Variants in ETV6 observed in about 807,000 individuals in gnomAD.
ETV6 encodes the protein transcription factor ETV6.
A neutral mutation model predicts 51.1 loss-of-function variants in ETV6; 16 were observed. That is an observed-to-expected ratio of 0.31 (90% CI 0.21 to 0.48). The LOEUF (loss-of-function observed/expected upper bound fraction) is 0.48, where lower values mean the gene tolerates loss of function less well. Ranked by LOEUF, ETV6 falls within the 20% of genes least tolerant of loss-of-function variation. ETV6 has a pLI of 0.99. For missense variants in ETV6, 458 were observed against 594.8 expected, an observed-to-expected ratio of 0.77 and a Z score of 2.39; for synonymous variants, 240 against 224.1, an observed-to-expected ratio of 1.07 and a Z score of -0.64.
rs79155677 is a variant in ETV6, at chr12:11,803,904, A to C, written c.164-35236A>C. Among the ~76,000 whole-genome samples the C allele has an allele frequency of 4.5e-3, 676 of 151,838 alleles. 5 individuals are homozygous for C. Among genetic ancestry groups the C allele is most frequent in the East Asian group, 0.028 (146 of 5,194 alleles). ...TGATGTCATAATATGTAGACTGAGC[A>C]AAAATATTATTAGTATCATCATCAT... On this transcript the variant is annotated intron_variant, in intron 2 of 7. Coordinates refer to ENST00000396373, the MANE Select transcript of ETV6 (RefSeq NM_001987.5).
At chr12:11,879,538 A>AT (rs1046320139) in intron 5 of ETV6, among the ~76,000 whole-genome samples, 1 of 152,174 alleles carries the variant, frequency 6.6e-6, no homozygotes, top group African/African-American at 2.4e-5. Context: ...ACAGGAAGGG[A>AT]TTTTTTACAA....
intron 1 of ETV6, among the ~76,000 whole-genome samples, chr12:11,724,878 CTG>C (rs1865458681): frequency 6.6e-6 from 1 of 152,214 alleles, no homozygotes; most frequent in Admixed American, 6.5e-5. Context: ...TAGGCAGACA[CTG>C]AATAAATCGC....
In ETV6 at chr12:11,800,206, CCTT is replaced by C. The variant is rs989566932; in HGVS notation, c.164-38930_164-38928del. Among the ~76,000 whole-genome samples the C allele has an allele frequency of 2.1e-4, 32 of 152,270 alleles. 1 individual carries two copies. The highest frequency in any genetic ancestry group is 7.2e-4 in the African/African-American group (30 of 41,550). ...TCTGGGTCATGGAAAAGTAACCTGA[CCTT>C]CTTATCCCACCTCCTATTCATCATC... is the stretch of plus-strand genomic sequence containing the variant. On this transcript the variant is annotated intron_variant, in intron 2 of 7. Coordinates refer to ENST00000396373, the MANE Select transcript of ETV6 (RefSeq NM_001987.5).
chr12:11,820,718 A>G (rs1319724219), intron 2 of ETV6, among the ~76,000 whole-genome samples: 1 of 152,166 alleles, frequency 6.6e-6, no homozygotes, highest in African/African-American at 2.4e-5. Context: ...GGGTACAGAC[A>G]GGTCAGGTCA....
chr12:11,852,829 G>C (rs1478081389), intron 3 of ETV6, among the ~76,000 whole-genome samples: 8 of 152,170 alleles, frequency 5.3e-5, no homozygotes, highest in African/African-American at 1.7e-4. Context: ...CAGGGCTTCT[G>C]TATCTTAGTG....
At position 11,869,985 on chromosome 12, in the gene ETV6, T is replaced by C. The variant is rs955644545; in HGVS notation, c.1009+16T>C. The C allele has an allele frequency of 6.3e-7, 1 of 1,582,940 alleles. No individual in the cohort carries two copies. Among genetic ancestry groups the C allele is most frequent in the Non-Finnish European group, 8.5e-7 (1 of 1,169,876 alleles). On this transcript the variant is annotated intron_variant, in intron 5 of 7. Coordinates refer to ENST00000396373, the MANE Select transcript of ETV6 (RefSeq NM_001987.5). This position sits in a 1 kb window ranked among gnomAD's most constrained non-coding sequence, Gnocchi z 5.0. Reference sequence around the variant, plus strand: ...AGAATAGCAGGTGAGTGAGTTCCCCTCTCGCCGCTCCAGCATCATGGGGAC... The same window carrying C: ...AGAATAGCAGGTGAGTGAGTTCCCCCCTCGCCGCTCCAGCATCATGGGGAC...
chr12:11,710,957 G>A (rs1865162246), intron 1 of ETV6, among the ~76,000 whole-genome samples: 1 of 152,216 alleles, frequency 6.6e-6, no homozygotes, highest in Non-Finnish European at 1.5e-5. Flanking sequence ...GAGACTAAGT[G>A]GAGACCAGGC....
At chr12:11,748,691 C>G (rs1865952582) in intron 1 of ETV6, among the ~76,000 whole-genome samples, 1 of 152,130 alleles carries the variant, frequency 6.6e-6, no homozygotes, top group Non-Finnish European at 1.5e-5. Context: ...TGCCATTCTC[C>G]TACTGAGCAC....
intron 2 of ETV6, among the ~76,000 whole-genome samples, chr12:11,801,827 G>T (rs898569803): frequency 6.6e-6 from 1 of 152,182 alleles, no homozygotes; most frequent in Non-Finnish European, 1.5e-5. Flanking sequence ...ATGAAAGCCA[G>T]CATGAGCCAG....
chr12:11,669,131 C>T (rs1218829792), intron 1 of ETV6, among the ~76,000 whole-genome samples: 8 of 152,324 alleles, frequency 5.3e-5, no homozygotes, highest in African/African-American at 1.2e-4. Context: ...TCCCCCTTCC[C>T]GGGCTTTACA....
At chr12:11,808,924 G>A (rs960959839) in intron 2 of ETV6, among the ~76,000 whole-genome samples, 4 of 152,212 alleles carry the variant, frequency 2.6e-5, no homozygotes, top group African/African-American at 9.7e-5. Context: ...AGCACTTTGG[G>A]AGGCCAAGGT....
intron 2 of ETV6, among the ~76,000 whole-genome samples, chr12:11,771,628 C>T (rs1056429385): frequency 2.0e-5 from 3 of 152,116 alleles, no homozygotes; most frequent in East Asian, 3.8e-4. Context: ...AAAGTGGATC[C>T]TCACAGCAAA....
chr12:11,717,712 A>G (rs549564394), intron 1 of ETV6, among the ~76,000 whole-genome samples: 13 of 152,160 alleles, frequency 8.5e-5, no homozygotes, highest in Non-Finnish European at 1.9e-4. Flanking sequence ...TCCCAAGGCA[A>G]TTTCTTACAA....
At chr12:11,738,479 A>T (rs532140458) in intron 1 of ETV6, among the ~76,000 whole-genome samples, 3 of 150,972 alleles carry the variant, frequency 2.0e-5, no homozygotes, top group Admixed American at 2.0e-4. Flanking sequence ...ACTAATTTTT[A>T]ATTTTTTTTA....
chr12:11,850,817 C>G (rs1946542696), intron 3 of ETV6, among the ~76,000 whole-genome samples: 1 of 152,216 alleles, frequency 6.6e-6, no homozygotes, highest in Non-Finnish European at 1.5e-5. Context: ...CAGTTTCTCT[C>G]TCATGAAAAC....
intron 1 of ETV6, among the ~76,000 whole-genome samples, chr12:11,733,044 C>T (rs886762400): frequency 1.3e-5 from 2 of 152,152 alleles, no homozygotes; most frequent in African/African-American, 4.8e-5. Flanking sequence ...GACTCTGTTT[C>T]TCCATTGATG....
chr12:11,756,955 A>G lies in ETV6; in HGVS notation c.163+4376A>G, dbSNP rs773109594. On this transcript the variant is annotated intron_variant, in intron 2 of 7. Transcript: ENST00000396373. ...TTTCACATTTAGTTGACATTGCGCC[A>G]TTTGCCCGCAGACTGTGCATTTTGC... is the stretch of plus-strand genomic sequence containing the variant. Among the ~76,000 whole-genome samples, 99 of 152,200 alleles carry G rather than the reference A, an allele frequency of 6.5e-4. 1 individual carries two copies. The highest frequency in any genetic ancestry group is 2.9e-3 in the Admixed American group (44 of 15,290).
At chr12:11,729,085 T>G (rs1273741282) in intron 1 of ETV6, among the ~76,000 whole-genome samples, 2 of 152,374 alleles carry the variant, frequency 1.3e-5, no homozygotes, top group African/African-American at 2.4e-5. Context: ...AGCAACAGTT[T>G]AAGGCTATTT....
chr12:11,678,274 C>A (rs2541117), intron 1 of ETV6, among the ~76,000 whole-genome samples: 54,641 of 152,066 alleles, frequency 0.36, 12,034 homozygotes, highest in Middle Eastern at 0.49. Flanking sequence ...GTGTGTGCTG[C>A]TTTTTAGCAT....
Sources: gnomAD v4.1 joint callset for allele counts (sites outside exome capture counted in the v4.1 genomes callset) on GRCh38, gnomAD v4.1.1 for gene constraint, Gnocchi (gnomAD v3.1) non-coding constraint, MANE v1.5 for transcripts, NCBI Gene and HGNC (gene_info 2026-07-23, HGNC 2026-07-21) for gene names.